CPVL: variants seen among roughly 807,000 people sequenced by gnomAD.
CPVL encodes the protein carboxypeptidase vitellogenic like.
A neutral mutation model predicts 63.7 loss-of-function variants in CPVL; 51 were observed. The ratio of observed to expected loss-of-function variants is 0.80; its 90% CI spans 0.64 to 1.01. CPVL has a LOEUF of 1.01. Ranked by LOEUF, CPVL falls within the 50% of genes least tolerant of loss-of-function variation. CPVL has a pLI of 0.00. For missense variants in CPVL, 530 were observed against 573.1 expected (o/e 0.92, Z 0.77); for synonymous variants, 195 against 206.0 (o/e 0.95, Z 0.46).
chr7:29,106,605 T>A lies in CPVL; in HGVS notation c.288+6099A>T, dbSNP rs79408765. 2.6e-5 allele frequency among the ~76,000 whole-genome samples: 4 copies of A among 151,930 alleles called. No individual in the cohort carries two copies. The South Asian group carries it at 8.3e-4, about 32-fold the overall frequency. On this transcript the variant is annotated intron_variant, in intron 3 of 12. Transcript: ENST00000265394. ...TGACAAAGCTTAATATTGTGCTTGC[T>A]GCAAAGGAGAAATGCTGAGAGCTCT... is the stretch of plus-strand genomic sequence containing the variant.
At chr7:29,195,243 G>A in exon 1 of CPVL, 1 of 430,336 alleles carries the variant, frequency 2.3e-6, no homozygotes, top group Non-Finnish European at 4.1e-6. Flanking sequence ...GTGTTCCGGG[G>A]CTTGGAGTGC....
chr7:29,161,740 C>T (rs34470328), intron 5 of CPVL, among the ~76,000 whole-genome samples: 19,449 of 152,022 alleles, frequency 0.13, 1,433 homozygotes, highest in African/African-American at 0.2. Context: ...AAGATGAAAA[C>T]GATGAGCCAC....
At chr7:29,147,152 C>A (rs1443247678), upstream of CPVL, 2 of 738,896 alleles carry the variant, frequency 2.7e-6, no homozygotes, top group Non-Finnish European at 4.3e-6. Flanking sequence ...TTATTAGCCA[C>A]CACCAGGTGC....
At chr7:29,167,078 G>A (rs372053531) in intron 5 of CPVL, among the ~76,000 whole-genome samples, 3 of 152,110 alleles carry the variant, frequency 2.0e-5, no homozygotes, top group South Asian at 4.2e-4. Context: ...ACAACTTGAC[G>A]AAAAGAATAT....
chr7:29,037,660 A>G (rs1317132687), intron 11 of CPVL, among the ~76,000 whole-genome samples: 1 of 152,174 alleles, frequency 6.6e-6, no homozygotes, highest in African/African-American at 2.4e-5. Context: ...CGGTACAACA[A>G]TTTCCAAATG....
intron 1 of CPVL, among the ~76,000 whole-genome samples, chr7:29,142,294 A>T (rs552032529): frequency 6.6e-5 from 10 of 152,314 alleles, no homozygotes; most frequent in African/African-American, 2.4e-4. Context: ...ATTTTCTTCA[A>T]GATCTTATCC....
At chr7:29,148,390 C>T (rs935294940), upstream of CPVL, 1 of 152,194 alleles carries the variant, frequency 6.6e-6, no homozygotes, top group Non-Finnish European at 1.5e-5. Flanking sequence ...GTTTTAGTAA[C>T]CTCAAGGCTA....
Position 29,067,655 on chromosome 7 carries a change from T to C in CPVL, c.865-1534A>G, listed in dbSNP as rs62442605. On this transcript the variant is annotated intron_variant, in intron 9 of 12. Coordinates refer to ENST00000265394, the MANE Select transcript of CPVL (RefSeq NM_031311.5). ...AGGTTGAAGACATGGAGGGGGGTTG[T>C]TGATGATGATATTAAGTTGTAAGGA... Among the ~76,000 whole-genome samples the C allele has an allele frequency of 7.6e-3, 1,160 of 152,226 alleles. 3 individuals are homozygous for C. Among genetic ancestry groups the C allele is most frequent in the African/African-American group, 0.01 (425 of 41,524 alleles).
chr7:29,083,980 A>C (rs1036634836), intron 7 of CPVL, among the ~76,000 whole-genome samples: 1 of 151,788 alleles, frequency 6.6e-6, no homozygotes, highest in African/African-American at 2.4e-5. Flanking sequence ...TATTTCTCTA[A>C]TTGTGCCTTT....
At chr7:29,128,413 G>A (rs1045921197) in intron 1 of CPVL, among the ~76,000 whole-genome samples, 3 of 152,046 alleles carry the variant, frequency 2.0e-5, no homozygotes, top group African/African-American at 4.8e-5. Flanking sequence ...CGCTTCATGA[G>A]TGGTGACAAA....
intron 12 of CPVL, among the ~76,000 whole-genome samples, chr7:29,020,458 T>C (rs940056605): frequency 2.6e-5 from 4 of 152,218 alleles, no homozygotes; most frequent in African/African-American, 2.4e-5. Flanking sequence ...TTCTTCGTTA[T>C]ATGTACTCTT....
chr7:29,144,378 T>G (rs1792223908), intron 1 of CPVL, among the ~76,000 whole-genome samples: 2 of 152,082 alleles, frequency 1.3e-5, no homozygotes, highest in South Asian at 4.1e-4. Flanking sequence ...CTGGGCAACA[T>G]GGCAAAACCC....
chr7:29,176,580 A>T (rs936723805), intron 5 of CPVL, among the ~76,000 whole-genome samples: 1 of 152,190 alleles, frequency 6.6e-6, no homozygotes, highest in African/African-American at 2.4e-5. Context: ...ATTGAAAGGG[A>T]TTACTACTAA....
intron 11 of CPVL, among the ~76,000 whole-genome samples, chr7:29,046,007 G>A (rs1789569549): frequency 6.6e-6 from 1 of 151,830 alleles, no homozygotes; most frequent in South Asian, 2.1e-4. Context: ...ATGCAATTAG[G>A]TGAAATTTAA....
intron 11 of CPVL, among the ~76,000 whole-genome samples, chr7:29,049,528 T>A (rs761235272): frequency 2.0e-5 from 3 of 151,884 alleles, no homozygotes; most frequent in African/African-American, 7.3e-5. Flanking sequence ...AATTAAAAAA[T>A]TACCAACGAA....
chr7:29,147,463 A>G (rs1792910568), upstream of CPVL, among the ~76,000 whole-genome samples: 1 of 152,206 alleles, frequency 6.6e-6, no homozygotes, highest in South Asian at 2.1e-4. Flanking sequence ...TTGTTATGCA[A>G]CTAAGGCTAA....
chr7:29,146,381 C>T (rs888819156), intron 1 of CPVL, 48 bp downstream of exon 1: 2 of 707,106 alleles, frequency 2.8e-6, no homozygotes, highest in South Asian at 4.4e-5. Context: ...GAGGCGAGGA[C>T]CTGTCCCGCT....
chr7:29,100,010 T>C (rs537566243), intron 3 of CPVL, among the ~76,000 whole-genome samples: 1 of 152,322 alleles, frequency 6.6e-6, no homozygotes, highest in East Asian at 1.9e-4. Context: ...CCTGTGGAGC[T>C]GTGTTTTGTT....
At chr7:29,191,645 A>G (rs935304659) in intron 1 of CPVL, 13 of 152,264 alleles carry the variant, frequency 8.5e-5, no homozygotes, top group Non-Finnish European at 1.3e-4. Flanking sequence ...CGTTTATCCC[A>G]TAAGTCTTTT....
Sources: allele counts gnomAD v4.1 joint callset (sites outside exome capture counted in the v4.1 genomes callset), GRCh38; gene constraint gnomAD v4.1.1; transcripts MANE v1.5; gene names NCBI Gene and HGNC (gene_info 2026-07-23, HGNC 2026-07-21).